The following PPP1R37 variants were observed in gnomAD, a reference collection of about 807,000 sequenced individuals.
PPP1R37 encodes leucine rich repeat containing 68.
PPP1R37 carries 21 observed loss-of-function variants against 61.0 expected under a neutral mutation model. The ratio of observed to expected loss-of-function variants is 0.34; its 90% CI spans 0.24 to 0.50. The LOEUF (loss-of-function observed/expected upper bound fraction) is 0.50. Ranked by LOEUF, PPP1R37 falls within the 20% of genes least tolerant of loss-of-function variation. The pLI is 0.98. For synonymous variants in PPP1R37, 443 were observed against 433.5 expected, an observed-to-expected ratio of 1.02 and a Z score of -0.27; for missense variants, 910 against 952.7, an observed-to-expected ratio of 0.96 and a Z score of 0.59.
At chr19:45,117,793 G>T (rs562633280) in intron 1 of PPP1R37, among the ~76,000 whole-genome samples, 1 of 152,220 alleles carries the variant, frequency 6.6e-6, no homozygotes, top group Non-Finnish European at 1.5e-5. Flanking sequence ...GAATGAGGCC[G>T]CAGAGTTAGT....
In PPP1R37 at chr19:45,142,395, C is replaced by T. The variant is rs1365249217; in HGVS notation, c.811C>T (p.Leu271=). ...GCAGGACTCGGCCCAGCTGGGTAAC[C>T]TGCTCAAGTTCAACTGCTCCCTGCA... The part of the protein sequence containing the change: ...GLQDSAQLGN[L]LKFNCSLQIL... Residue 271 remains leucine, a synonymous_variant, in exon 7 of 13, where the codon CTG becomes TTG. Transcript: ENST00000221462. The T allele has an allele frequency of 6.5e-7, 1 of 1,536,154 alleles. No individual in the cohort carries two copies. The highest frequency in any genetic ancestry group is 1.4e-5 in the African/African-American group (1 of 73,182).
chr19:45,144,828 C>G (rs1422585950), intron 8 of PPP1R37, 26 bp from the exon 9 acceptor site: 1 of 1,513,316 alleles, frequency 6.6e-7, no homozygotes. Flanking sequence ...CGGCCTCCTC[C>G]TCACCCTCAC....
chr19:45,136,216 C>A (rs1009901980), intron 1 of PPP1R37: 1 of 152,168 alleles, frequency 6.6e-6, no homozygotes, highest in African/African-American at 2.4e-5. Context: ...TGTAATAAGG[C>A]CTTCAGTCTC....
intron 1 of PPP1R37, 135 bp from the exon 2 acceptor site, chr19:45,138,379 G>A (rs1968565105): frequency 7.6e-6 from 5 of 654,932 alleles, no homozygotes; most frequent in Non-Finnish European, 1.1e-5. Flanking sequence ...AGGGAGGACA[G>A]AGCTCAGGCA....
At position 45,141,413 on chromosome 19, in the gene PPP1R37, G is replaced by A. The variant is rs1968610041; in HGVS notation, c.539G>A (p.Trp180Ter). ...AACAAGCACATCGGCACCCGGGGCT[G>A]GCAGGCGGCCGCCCACATGATGCGC... is the stretch of plus-strand genomic sequence containing the variant. ...SFNKHIGTRGWQAAAHMMRKT... is the reference protein window; with the variant it reads ...SFNKHIGTRG The change falls in exon 5 of 13, where the codon TGG becomes TAG. Residue 180 changes from tryptophan (W) to a stop codon, truncating the protein, a stop_gained. Transcript: ENST00000221462. LOFTEE classifies it high-confidence loss of function. 6.5e-7 allele frequency: 1 copy of A among 1,535,808 alleles called. No homozygotes were observed.
intron 1 of PPP1R37, among the ~76,000 whole-genome samples, chr19:45,127,078 G>A (rs1968414761): frequency 6.6e-6 from 1 of 152,184 alleles, no homozygotes; most frequent in Admixed American, 6.5e-5. Flanking sequence ...GGTCAGGCCT[G>A]GTGGCTCACA....
Position 45,116,258 on chromosome 19 carries a change from G to A in PPP1R37, c.203-22256G>A, listed in dbSNP as rs181826797. On this transcript the variant is annotated intron_variant, in intron 1 of 12. Coordinates refer to ENST00000221462, the MANE Select transcript of PPP1R37 (RefSeq NM_019121.2). ...TGCGGCAGGCAGTTGGGAAGGTCAGGACGAGGGGAAGGGAAGGCAGGCCTG... is the reference window on the plus strand; with the variant it reads ...TGCGGCAGGCAGTTGGGAAGGTCAGAACGAGGGGAAGGGAAGGCAGGCCTG... Among the ~76,000 whole-genome samples the A allele has an allele frequency of 8.7e-3, 1,327 of 152,372 alleles. 12 individuals carry two copies. The highest frequency in any genetic ancestry group is 0.014 in the Non-Finnish European group (927 of 68,040).
chr19:45,118,798 T>C (rs1308953274), intron 1 of PPP1R37, among the ~76,000 whole-genome samples: 2 of 152,120 alleles, frequency 1.3e-5, no homozygotes, highest in African/African-American at 4.8e-5. Flanking sequence ...GAGCACCTGC[T>C]GGCCGGGCCC....
Position 45,104,871 on chromosome 19 carries a change from C to T in PPP1R37, c.202+11344C>T, listed in dbSNP as rs773250040. On this transcript the variant is annotated intron_variant, in intron 1 of 12. Transcript: ENST00000221462. ...CTCCCCACATCCTGTCCTGGAAGACCGGCCCCACCTACGCACACAGGTGGC... is the reference window on the plus strand; with the variant it reads ...CTCCCCACATCCTGTCCTGGAAGACTGGCCCCACCTACGCACACAGGTGGC... 7.9e-5 allele frequency among the ~76,000 whole-genome samples: 12 copies of T among 152,278 alleles called. No individual in the cohort carries two copies. In the South Asian group the frequency reaches 8.3e-4, roughly 11 times the overall value.
intron 1 of PPP1R37, among the ~76,000 whole-genome samples, chr19:45,111,315 C>T (rs972172073): frequency 6.6e-6 from 1 of 151,814 alleles, no homozygotes; most frequent in Non-Finnish European, 1.5e-5. Flanking sequence ...TACTCTGTCA[C>T]CCAGGCTGGA....
intron 1 of PPP1R37, chr19:45,129,009 G>GT: frequency 3.6e-6 from 3 of 839,590 alleles, no homozygotes; most frequent in Non-Finnish European, 4.0e-6. Flanking sequence ...GGCAGCTGTT[G>GT]CAGTCAAGGC....
intron 1 of PPP1R37, among the ~76,000 whole-genome samples, chr19:45,098,321 C>G (rs1262011174): frequency 6.6e-6 from 1 of 152,234 alleles, no homozygotes; most frequent in Non-Finnish European, 1.5e-5. Context: ...TCAGGCCAAA[C>G]TGCAGGAATG....
chr19:45,141,188 TTGTCCTCCTCTCCCGTGTGG>T, intron 4 of PPP1R37, 114 bp from the exon 5 acceptor site: 1 of 984,538 alleles, frequency 1.0e-6, no homozygotes, highest in Non-Finnish European at 1.4e-6. Context: ...CTGTCTGTGC[TTGTCCTCCTCTCCCGTGTGG>T]CTCTCTCCAG....
At position 45,097,363 on chromosome 19, in the gene PPP1R37, G is replaced by A. The variant is rs571474379; in HGVS notation, c.202+3836G>A. Among the ~76,000 whole-genome samples, 22 of 152,096 alleles carry A rather than the reference G, an allele frequency of 1.4e-4. No individual in the cohort carries two copies. In the South Asian group the frequency reaches 2.3e-3, roughly 16 times the overall value. ...TCAGTTATCCGGAAGCTGTTGTGCCGTGCTAGAGATGGAGCGCTGCCTAGG... is the reference window on the plus strand; with the variant it reads ...TCAGTTATCCGGAAGCTGTTGTGCCATGCTAGAGATGGAGCGCTGCCTAGG... On this transcript the variant is annotated intron_variant, in intron 1 of 12. Coordinates refer to ENST00000221462, the MANE Select transcript of PPP1R37 (RefSeq NM_019121.2).
chr19:45,127,267 G>A (rs904139718), intron 1 of PPP1R37, among the ~76,000 whole-genome samples: 1 of 146,240 alleles, frequency 6.8e-6, no homozygotes, highest in South Asian at 2.2e-4. Context: ...GAGGAGAATC[G>A]TTTGAACCTG....
intron 1 of PPP1R37, among the ~76,000 whole-genome samples, chr19:45,132,999 C>A (rs1015544881): frequency 6.6e-6 from 1 of 152,230 alleles, no homozygotes; most frequent in South Asian, 2.1e-4. Context: ...AGTTGAGGCA[C>A]GGGTCACATT....
At chr19:45,119,835 C>T (rs1968317012) in intron 1 of PPP1R37, among the ~76,000 whole-genome samples, 1 of 152,100 alleles carries the variant, frequency 6.6e-6, no homozygotes, top group Non-Finnish European at 1.5e-5. Context: ...CAGCACCCCG[C>T]ACAACCTTGC....
At position 45,112,390 on chromosome 19, in the gene PPP1R37, T is replaced by A. The variant is rs1441755945; in HGVS notation, c.202+18863T>A. 5.9e-5 allele frequency among the ~76,000 whole-genome samples: 7 copies of A among 119,644 alleles called. No individual in the cohort carries two copies. The South Asian group carries it at 1.8e-3, about 30-fold the overall frequency. 78.5% of individuals were successfully genotyped at this position (119,644 alleles called of 152,430 possible). ...CTAGGAACAGAATGGCTGGTCATAG[T>A]TGATGAGTACATTTGGCTTCTCAAG... is the stretch of plus-strand genomic sequence containing the variant. On this transcript the variant is annotated intron_variant, in intron 1 of 12. Coordinates refer to ENST00000221462, the MANE Select transcript of PPP1R37 (RefSeq NM_019121.2).
intron 1 of PPP1R37, among the ~76,000 whole-genome samples, chr19:45,095,805 G>A (rs1409415358): frequency 6.7e-6 from 1 of 150,324 alleles, no homozygotes; most frequent in East Asian, 2.0e-4. Flanking sequence ...AGCCAGCCAA[G>A]TCCTTGGGCT....
Sources: allele counts gnomAD v4.1 joint callset (sites outside exome capture counted in the v4.1 genomes callset), GRCh38; gene constraint gnomAD v4.1.1; transcripts MANE v1.5; gene names NCBI Gene and HGNC (gene_info 2026-07-23, HGNC 2026-07-21).